Variants in MBOAT2 observed in about 807,000 individuals in gnomAD.
The protein encoded by MBOAT2 is membrane bound glycerophospholipid O-acyltransferase 2.
MBOAT2 carries 28 observed loss-of-function variants against 63.4 expected under a neutral mutation model. The observed-to-expected ratio is 0.44, with a 90% CI of 0.33 to 0.61. The LOEUF is 0.61. Among genes scored for constraint, MBOAT2 ranks in the 20% least tolerant of loss-of-function variants. MBOAT2 has a pLI of 0.03. For synonymous variants in MBOAT2, 211 were observed against 215.6 expected (o/e 0.98, Z 0.19); for missense variants, 470 against 605.8 (o/e 0.78, Z 2.35).
intron 1 of MBOAT2, among the ~76,000 whole-genome samples, chr2:8,963,200 T>C (rs1669737287): frequency 6.8e-6 from 1 of 146,298 alleles, no homozygotes; most frequent in African/African-American, 2.5e-5. Flanking sequence ...ATCACGCCAC[T>C]GCATTCCAGC....
intron 1 of MBOAT2, among the ~76,000 whole-genome samples, chr2:8,995,614 G>T (rs1219527046): frequency 7.3e-6 from 1 of 136,254 alleles, no homozygotes; most frequent in Non-Finnish European, 1.5e-5. Flanking sequence ...TTTTTGAGAC[G>T]GAGTCTCGCT....
chr2:8,896,528 G>C (rs1664490705), intron 4 of MBOAT2, among the ~76,000 whole-genome samples: 1 of 152,158 alleles, frequency 6.6e-6, no homozygotes, highest in South Asian at 2.1e-4. Context: ...TGTGGCAGTA[G>C]GATAATGCAT....
chr2:8,987,423 C>T (rs1671646725), intron 1 of MBOAT2, among the ~76,000 whole-genome samples: 1 of 152,196 alleles, frequency 6.6e-6, no homozygotes. Flanking sequence ...CAATTAAGAT[C>T]TATGCATTTC....
rs1204238434 is a variant in MBOAT2, at chr2:9,003,383, G to C, written c.75+157C>G. 2.0e-5 allele frequency among the ~76,000 whole-genome samples: 3 copies of C among 151,786 alleles called. No individual in the cohort carries two copies. In the East Asian group the frequency reaches 5.9e-4, roughly 30 times the overall value. Reference sequence around the variant, plus strand: ...GGGAGGGGGCTCTGGGACAATAACCGGCTTGTTGCCCCCTCCCTTCCAGGG... The same window carrying C: ...GGGAGGGGGCTCTGGGACAATAACCCGCTTGTTGCCCCCTCCCTTCCAGGG... On this transcript the variant is annotated intron_variant, in intron 1 of 12. Transcript: ENST00000305997. This position sits in a 1 kb window ranked among gnomAD's most constrained non-coding sequence, Gnocchi z 5.4.
In MBOAT2 at chr2:8,893,588, T is replaced by C. The variant is rs188542236; in HGVS notation, c.396-5515A>G. Among the ~76,000 whole-genome samples the C allele has an allele frequency of 1.6e-3, 249 of 152,328 alleles. 1 individual carries two copies. The highest frequency in any genetic ancestry group is 5.3e-3 in the African/African-American group (220 of 41,568). ...TTTGCATAGTAACTGCCAGAACTGC[T>C]AAGAAGCCAGTGGCGCTGAAGGGAC... is the stretch of plus-strand genomic sequence containing the variant. On this transcript the variant is annotated intron_variant, in intron 4 of 12. Coordinates refer to ENST00000305997, the MANE Select transcript of MBOAT2 (RefSeq NM_138799.4).
At chr2:8,908,983 G>A (rs1341492666) in intron 3 of MBOAT2, among the ~76,000 whole-genome samples, 1 of 152,024 alleles carries the variant, frequency 6.6e-6, no homozygotes, top group Non-Finnish European at 1.5e-5. Flanking sequence ...TTGAAATCAG[G>A]ATCACAAGCA....
intron 1 of MBOAT2, among the ~76,000 whole-genome samples, chr2:8,999,454 G>A (rs77874322): frequency 0.044 from 6,681 of 152,240 alleles, 148 homozygotes; most frequent in Middle Eastern, 0.058. Context: ...ATGTAATAGC[G>A]TACAGGATAT....
chr2:8,958,107 A>G (rs1003579131), intron 2 of MBOAT2, among the ~76,000 whole-genome samples: 8 of 152,222 alleles, frequency 5.3e-5, no homozygotes, highest in Non-Finnish European at 1.0e-4. Context: ...AGTTCTATCC[A>G]TAGTCTTTAT....
intron 8 of MBOAT2, among the ~76,000 whole-genome samples, chr2:8,872,431 C>G (rs1662393449): frequency 6.6e-6 from 1 of 152,126 alleles, no homozygotes. Flanking sequence ...GCACATGCCA[C>G]CAGGCCTAGT....
At chr2:8,989,622 C>A (rs555872600) in intron 1 of MBOAT2, among the ~76,000 whole-genome samples, 5 of 152,078 alleles carry the variant, frequency 3.3e-5, no homozygotes, top group African/African-American at 4.8e-5. Context: ...TGTTCATAAG[C>A]CAGCCATGTG....
At chr2:8,979,092 C>T (rs1037059897) in intron 1 of MBOAT2, among the ~76,000 whole-genome samples, 5 of 152,152 alleles carry the variant, frequency 3.3e-5, no homozygotes, top group African/African-American at 1.2e-4. Context: ...TACTGGCCTG[C>T]CTCATTATCA....
Position 8,914,489 on chromosome 2 carries a change from GAA to G in MBOAT2, c.300-5775_300-5774del, listed in dbSNP as rs572618785. Among the ~76,000 whole-genome samples the G allele has an allele frequency of 4.0e-3, 533 of 134,072 alleles. 8 individuals carry two copies. The highest frequency in any genetic ancestry group is 0.022 in the South Asian group (94 of 4,218). 88.0% of individuals were successfully genotyped at this position (134,072 alleles called of 152,430 possible). ...CCATAAGTTAGCTGTGAGAGTTCAG[GAA>G]AAAAAAAAAAACAATGAAAGTGTTT... On this transcript the variant is annotated intron_variant, in intron 3 of 12. Transcript: ENST00000305997.
chr2:8,906,353 G>T (rs561629846), intron 4 of MBOAT2, among the ~76,000 whole-genome samples: 1 of 152,170 alleles, frequency 6.6e-6, no homozygotes, highest in African/African-American at 2.4e-5. Context: ...ATGAGGCCAC[G>T]TGACTCATGC....
At chr2:8,982,435 A>G (rs1370187739) in intron 1 of MBOAT2, among the ~76,000 whole-genome samples, 2 of 152,220 alleles carry the variant, frequency 1.3e-5, no homozygotes, top group African/African-American at 2.4e-5. Flanking sequence ...GTTCTTCGCG[A>G]ACCTTGTCCA....
intron 3 of MBOAT2, among the ~76,000 whole-genome samples, chr2:8,930,768 G>A (rs1210782628): frequency 6.6e-6 from 1 of 151,766 alleles, no homozygotes; most frequent in East Asian, 1.9e-4. Context: ...AATGCTAAAT[G>A]ACGAGTTAAT....
At chr2:8,913,117 A>C (rs1485462412) in intron 3 of MBOAT2, among the ~76,000 whole-genome samples, 1 of 152,044 alleles carries the variant, frequency 6.6e-6, no homozygotes, top group Non-Finnish European at 1.5e-5. Context: ...CAACAAATGG[A>C]TAATTGGCTA....
rs1008030271 is a variant in MBOAT2, at chr2:8,853,051, C to G, written c.*5628G>C. On this transcript the variant is annotated 3_prime_UTR_variant, in exon 13 of 13. Coordinates refer to ENST00000305997, the MANE Select transcript of MBOAT2 (RefSeq NM_138799.4). ...TTCTGGCTGCTGGAGTTGGGTCTCT[C>G]CTCATGTTTGGGCGACTGAGGGCTC... 6.6e-6 allele frequency: 1 copy of G among 152,204 alleles called. No individual in the cohort carries two copies. Among genetic ancestry groups the G allele is most frequent in the African/African-American group, 2.4e-5 (1 of 41,454 alleles). 9.4% of individuals were successfully genotyped at this position (152,204 alleles called of 1,614,324 possible).
In MBOAT2 at chr2:8,862,598, C is replaced by G; in HGVS notation, c.1177G>C (p.Ala393Pro). Residue 393 changes from alanine to proline, a missense_variant, in exon 11 of 13, where the codon GCA (alanine) becomes CCA (proline). Physicochemically the swap from Ala to Pro is conservative, Grantham distance 27 (BLOSUM62 -1). This residue lies in a region of MBOAT2 where 376 missense variants were observed against 503.8 expected (regional missense o/e 0.75). Coordinates refer to ENST00000305997, the MANE Select transcript of MBOAT2 (RefSeq NM_138799.4). This position sits in a 1 kb window ranked among gnomAD's most constrained non-coding sequence, Gnocchi z 4.3. ...AAATTCTTGATACTTACAGCTCTTG[C>G]TGCTAATGTCATTAACACCCCTGTT... ...FLTGVLMTLAARAMRNNFRHY... is the reference protein window; with the variant it reads ...FLTGVLMTLAPRAMRNNFRHY... The G allele has an allele frequency of 6.2e-7, 1 of 1,607,892 alleles. No homozygotes were observed. Among genetic ancestry groups the G allele is most frequent in the Non-Finnish European group, 8.5e-7 (1 of 1,178,316 alleles).
At chr2:8,878,386 C>T (rs1662854639) in intron 6 of MBOAT2, among the ~76,000 whole-genome samples, 1 of 152,236 alleles carries the variant, frequency 6.6e-6, no homozygotes, top group Non-Finnish European at 1.5e-5. Flanking sequence ...GAAAGCACAA[C>T]TGCACCTGTG....
Sources: allele counts gnomAD v4.1 joint callset (sites outside exome capture counted in the v4.1 genomes callset), GRCh38; gene constraint gnomAD v4.1.1; regional missense constraint gnomAD v4.1.1; non-coding constraint Gnocchi (gnomAD v3.1); transcripts MANE v1.5; gene names NCBI Gene and HGNC (gene_info 2026-07-23, HGNC 2026-07-21).